The following PRKDC variants were observed in gnomAD, a reference collection of about 807,000 sequenced individuals.
PRKDC encodes the protein protein kinase, DNA-activated, catalytic subunit.
A neutral mutation model predicts 486.9 loss-of-function variants in PRKDC; 82 were observed. The ratio of observed to expected loss-of-function variants is 0.17; its 90% CI spans 0.14 to 0.20. The LOEUF (loss-of-function observed/expected upper bound fraction) is 0.20, where lower values mean the gene tolerates loss of function less well. Among genes scored for constraint, PRKDC ranks in the 10% least tolerant of loss-of-function variants. The probability of loss-of-function intolerance (pLI) is 1.00; values close to 1 mark genes in which losing one functional copy is unlikely to be tolerated. For synonymous variants in PRKDC, 1,895 were observed against 1,837.0 expected, an observed-to-expected ratio of 1.03 and a Z score of -0.81; for missense variants, 4,504 against 5,038.2, an observed-to-expected ratio of 0.89 and a Z score of 3.21.
At chr8:47,853,636 A>G (rs536122513) in intron 51 of PRKDC, among the ~76,000 whole-genome samples, 1 of 152,302 alleles carries the variant, frequency 6.6e-6, no homozygotes, top group South Asian at 2.1e-4. Flanking sequence ...GCCCAGAACA[A>G]AGCCTTCCGA....
At position 47,854,145 on chromosome 8, in the gene PRKDC, T is replaced by C; in HGVS notation, c.6831A>G (p.Leu2277=). 2 of 1,613,854 alleles carry C rather than the reference T, an allele frequency of 1.2e-6. No homozygotes were observed. The highest frequency in any genetic ancestry group is 8.5e-7 in the Non-Finnish European group (1 of 1,179,708). ...GCAGGTCATTGGCCATCACGATGCC[T>C]AGCAATTGAATCCCTACTGAGTTGT... ...SKDNSVGIQL[L]GIVMANDLPP... Residue 2277 remains leucine, a synonymous_variant, in exon 51 of 86, where the codon CTA becomes CTG. Coordinates refer to ENST00000314191, the MANE Select transcript of PRKDC (RefSeq NM_006904.7).
intron 62 of PRKDC, among the ~76,000 whole-genome samples, chr8:47,827,948 CAT>C (rs1221275147): frequency 6.6e-6 from 1 of 152,208 alleles, no homozygotes; most frequent in East Asian, 1.9e-4. Context: ...TAAAACGTAA[CAT>C]GTTTGATTTC....
chr8:47,887,670 A>C lies in PRKDC; in HGVS notation c.4449T>G (p.Leu1483=). 6.2e-7 allele frequency: 1 copy of C among 1,610,520 alleles called. No homozygotes were observed. Among genetic ancestry groups the C allele is most frequent in the Non-Finnish European group, 8.5e-7 (1 of 1,178,478 alleles). ...CAATGCCTTTATAAACCAGGGAAAGAAGTTCTGTGCCAACAGAATGATGCA... is the reference window on the plus strand; with the variant it reads ...CAATGCCTTTATAAACCAGGGAAAGCAGTTCTGTGCCAACAGAATGATGCA... ...TDLHHSVGTE[L]LSLVYKGIAP... is the part of the protein sequence containing the mutation. Residue 1483 remains leucine (L), a synonymous_variant, in exon 35 of 86, where the codon CTT becomes CTG. Transcript: ENST00000314191.
rs377142724 is a variant in PRKDC at position 47,798,247 on chromosome 8, A to G, written c.10448T>C (p.Met3483Thr). 37 of 1,611,938 alleles carry G rather than the reference A, an allele frequency of 2.3e-5. 1 individual carries two copies. The highest frequency in any genetic ancestry group is 3.1e-5 in the Non-Finnish European group (36 of 1,179,400). ...ERYPEETLSL[M>T]TKEISSVPCW... ...AATAAAGACACCAACCTCTTTTGTCATGAGGCTCAAAGTCTCCTCTGGATA... is the reference window on the plus strand; with the variant it reads ...AATAAAGACACCAACCTCTTTTGTCGTGAGGCTCAAAGTCTCCTCTGGATA... The change falls in exon 73 of 86, where the codon ATG becomes ACG. Residue 3483 changes from methionine (M) to threonine (T), a missense_variant. This residue lies in a region of PRKDC where 706 missense variants were observed against 945.0 expected (regional missense o/e 0.75). Transcript: ENST00000314191.
intron 23 of PRKDC, among the ~76,000 whole-genome samples, chr8:47,914,797 A>AG (rs1485647997): frequency 6.6e-6 from 1 of 151,370 alleles, no homozygotes; most frequent in African/African-American, 2.4e-5. Flanking sequence ...CGAGGGGAAA[A>AG]AAAAAAAAAA....
rs1259092466 is a variant in PRKDC, at chr8:47,799,252, A to G, written c.10255T>C (p.Phe3419Leu). The G allele has an allele frequency of 6.2e-7, 1 of 1,613,812 alleles. No individual in the cohort carries two copies. Among genetic ancestry groups the G allele is most frequent in the Non-Finnish European group, 8.5e-7 (1 of 1,179,904 alleles). Residue 3419 changes from phenylalanine to leucine, a missense_variant, in exon 72 of 86, where the codon TTC becomes CTC. By Grantham distance (22) the Phe-to-Leu change is conservative. Coordinates refer to ENST00000314191, the MANE Select transcript of PRKDC (RefSeq NM_006904.7). ...TCCTTGCGCAGCTGTTGGTCACAGA[A>G]ATCTGCCAGCGTCATGTAAGCATCA... ...VIDAYMTLAD[F>L]CDQQLRKEEE...
At chr8:47,838,661 G>T (rs1563760984) in intron 56 of PRKDC, among the ~76,000 whole-genome samples, 2 of 152,176 alleles carry the variant, frequency 1.3e-5, no homozygotes, top group African/African-American at 4.8e-5. Context: ...TATATAATCA[G>T]TATTTGGTAA....
In PRKDC at chr8:47,951,662, C is replaced by A. The variant is rs1313825274; in HGVS notation, c.721+1958G>T. Among the ~76,000 whole-genome samples, 7 of 151,990 alleles carry A rather than the reference C, an allele frequency of 4.6e-5. No individual in the cohort carries two copies. The South Asian group carries it at 1.5e-3, about 32-fold the overall frequency. On this transcript the variant is annotated intron_variant, in intron 7 of 85. Coordinates refer to ENST00000314191, the MANE Select transcript of PRKDC (RefSeq NM_006904.7). ...CCAAGAAGTTGAGGGTGCAGTGAGC[C>A]ATGTTTGAGCCACTGCTCTCCAGCC... is the stretch of plus-strand genomic sequence containing the variant.
intron 21 of PRKDC, chr8:47,926,901 G>A (rs893907301): frequency 1.8e-5 from 5 of 272,472 alleles, no homozygotes; most frequent in Non-Finnish European, 2.7e-5. Context: ...GCAAAGCAGT[G>A]TATTAGGAGT....
At chr8:47,811,591 T>C (rs2154498618) in intron 68 of PRKDC, among the ~76,000 whole-genome samples, 1 of 152,356 alleles carries the variant, frequency 6.6e-6, no homozygotes, top group Non-Finnish European at 1.5e-5. Flanking sequence ...CAGTGTTATC[T>C]AGTGGTGTTT....
Position 47,893,253 on chromosome 8 carries a change from G to T in PRKDC, c.3733C>A (p.Arg1245=). 1 of 1,612,338 alleles carries T rather than the reference G, an allele frequency of 6.2e-7. No individual in the cohort carries two copies. Among genetic ancestry groups the T allele is most frequent in the Non-Finnish European group, 8.5e-7 (1 of 1,179,088 alleles). The change falls in exon 31 of 86, where the codon CGG becomes AGG. Residue 1245 remains arginine, a synonymous_variant. Transcript: ENST00000314191. ...ILAQPTLLYL[R]GPFSLQATLC... Reference sequence around the variant, plus strand: ...GTGGCCTGCAGGCTGAATGGCCCCCGAAGGTACAAGAGGGTGGGCTGGGCC... The same window carrying T: ...GTGGCCTGCAGGCTGAATGGCCCCCTAAGGTACAAGAGGGTGGGCTGGGCC...
At chr8:47,876,623 C>T (rs373481753) in intron 40 of PRKDC, among the ~76,000 whole-genome samples, 5 of 151,316 alleles carry the variant, frequency 3.3e-5, no homozygotes, top group African/African-American at 1.2e-4. Context: ...ATCATGCCAC[C>T]GCACTCCAGC....
At chr8:47,886,247 C>T (rs1563785422) in intron 35 of PRKDC, 100 bp from the exon 36 acceptor site, 4 of 992,096 alleles carry the variant, frequency 4.0e-6, no homozygotes, top group Non-Finnish European at 5.7e-6. Context: ...GAAAATGACA[C>T]AGGTCTAAAA....
chr8:47,856,510 G>A (rs919673028), intron 49 of PRKDC, among the ~76,000 whole-genome samples: 3 of 152,184 alleles, frequency 2.0e-5, no homozygotes, highest in African/African-American at 7.2e-5. Flanking sequence ...GATTACAGGT[G>A]TGAGCCATCA....
intron 40 of PRKDC, among the ~76,000 whole-genome samples, chr8:47,875,508 T>C (rs2089073034): frequency 6.6e-6 from 1 of 152,224 alleles, no homozygotes; most frequent in Non-Finnish European, 1.5e-5. Flanking sequence ...AAAGTTCAGA[T>C]TACTAATTTA....
At chr8:47,894,340 T>C (rs1191601492) in intron 30 of PRKDC, among the ~76,000 whole-genome samples, 2 of 152,162 alleles carry the variant, frequency 1.3e-5, no homozygotes, top group Non-Finnish European at 2.9e-5. Flanking sequence ...TAATGTTCTG[T>C]TACTTTCACT....
chr8:47,800,463 TG>T (rs1442456373), intron 71 of PRKDC, among the ~76,000 whole-genome samples: 4 of 58,220 alleles, frequency 6.9e-5, no homozygotes, highest in Non-Finnish European at 1.4e-4. Context: ...TGTTGTGGGG[TG>T]GGGGGAAGGG....
chr8:47,881,573 C>T, intron 37 of PRKDC, 53 bp from the exon 38 acceptor site: 1 of 913,826 alleles, frequency 1.1e-6, no homozygotes, highest in African/African-American at 1.7e-5. Context: ...ATCTCTATTT[C>T]CTTTAGCCCA....
intron 52 of PRKDC, among the ~76,000 whole-genome samples, chr8:47,849,811 A>G (rs1409435870): frequency 1.3e-5 from 2 of 152,220 alleles, no homozygotes; most frequent in Non-Finnish European, 2.9e-5. Flanking sequence ...AGTGTTTCCT[A>G]CTGACACCAA....
Sources: allele counts gnomAD v4.1 joint callset (sites outside exome capture counted in the v4.1 genomes callset), GRCh38; gene constraint gnomAD v4.1.1; regional missense constraint gnomAD v4.1.1; transcripts MANE v1.5; gene names NCBI Gene and HGNC (gene_info 2026-07-23, HGNC 2026-07-21).